Variants in MYO6 observed in about 807,000 individuals in gnomAD.
MYO6 encodes the protein myosin VI, also known as unconventional myosin-VI.
MYO6 carries 74 observed loss-of-function variants against 178.7 expected under a neutral mutation model. The ratio of observed to expected loss-of-function variants is 0.41; its 90% CI spans 0.34 to 0.50. The LOEUF (loss-of-function observed/expected upper bound fraction) is 0.50. Among genes scored for constraint, MYO6 ranks in the 20% least tolerant of loss-of-function variants. The pLI is 0.09. For missense variants in MYO6, 1,330 were observed against 1,547.4 expected, an observed-to-expected ratio of 0.86 and a Z score of 2.36; for synonymous variants, 477 against 504.6, an observed-to-expected ratio of 0.95 and a Z score of 0.73.
At chr6:75,862,924 T>A (rs1776324338) in intron 16 of MYO6, among the ~76,000 whole-genome samples, 1 of 152,170 alleles carries the variant, frequency 6.6e-6, no homozygotes, top group South Asian at 2.1e-4. Flanking sequence ...ACTTTTTCTC[T>A]GATGAAAAGT....
rs561244918 is a variant in MYO6 at position 75,839,676 on chromosome 6, G to GT, written c.554-908dup. Among the ~76,000 whole-genome samples the GT allele has an allele frequency of 2.5e-3, 377 of 152,208 alleles. 1 individual carries two copies. Among genetic ancestry groups the GT allele is most frequent in the Middle Eastern group, 0.014 (4 of 294 alleles). ...TAACTCTTATCCAGTCATGATATGT[G>GT]TATAGGTGATTATAAAATAACAGTG... On this transcript the variant is annotated intron_variant, in intron 7 of 34. Coordinates refer to ENST00000369977, the MANE Select transcript of MYO6 (RefSeq NM_004999.4).
chr6:75,764,990 C>A (rs1333672931), intron 1 of MYO6, among the ~76,000 whole-genome samples: 1 of 150,160 alleles, frequency 6.7e-6, no homozygotes, highest in Non-Finnish European at 1.5e-5. Context: ...CAGAGCTAGA[C>A]TCCGTCTCAA....
intron 2 of MYO6, among the ~76,000 whole-genome samples, chr6:75,819,247 A>T (rs1196476734): frequency 6.6e-6 from 1 of 152,232 alleles, no homozygotes; most frequent in Non-Finnish European, 1.5e-5. Flanking sequence ...TTGAGGATTA[A>T]CAAGTTCTCA....
chr6:75,771,004 T>G (rs1156970884), intron 1 of MYO6, among the ~76,000 whole-genome samples: 1 of 146,112 alleles, frequency 6.8e-6, no homozygotes, highest in Non-Finnish European at 1.5e-5. Context: ...TTTTTTTTCT[T>G]TTTTTTTTTT....
chr6:75,761,626 C>T (rs573799581), intron 1 of MYO6, among the ~76,000 whole-genome samples: 1 of 150,990 alleles, frequency 6.6e-6, no homozygotes, highest in Non-Finnish European at 1.5e-5. Flanking sequence ...CACACACACA[C>T]AGACACATTT....
At chr6:75,873,731 G>A (rs1777339288) in intron 20 of MYO6, among the ~76,000 whole-genome samples, 1 of 152,164 alleles carries the variant, frequency 6.6e-6, no homozygotes. Flanking sequence ...TCCAGCAGTA[G>A]TTCATTTCTC....
intron 1 of MYO6, among the ~76,000 whole-genome samples, chr6:75,808,179 G>A (rs721264): frequency 0.3 from 45,939 of 152,126 alleles, 10,560 homozygotes; most frequent in African/African-American, 0.63. Context: ...TCAGGCTGCC[G>A]TAATAAAATA....
At chr6:75,804,084 A>G (rs991545114) in intron 1 of MYO6, among the ~76,000 whole-genome samples, 30 of 152,216 alleles carry the variant, frequency 2.0e-4, no homozygotes, top group African/African-American at 7.2e-4. Flanking sequence ...GGTGGAGACA[A>G]GGTCCCACTA....
intron 25 of MYO6, among the ~76,000 whole-genome samples, chr6:75,887,749 G>A (rs1208976441): frequency 7.3e-5 from 11 of 151,694 alleles, no homozygotes; most frequent in African/African-American, 2.4e-4. Flanking sequence ...CGAGGCAGGC[G>A]GATCACAAGG....
chr6:75,843,028 G>A (rs1420859205), intron 9 of MYO6, among the ~76,000 whole-genome samples: 1 of 152,120 alleles, frequency 6.6e-6, no homozygotes, highest in East Asian at 1.9e-4. Context: ...GGGGAACAGC[G>A]TTGCATACAT....
At chr6:75,826,982 C>T (rs1272404058) in intron 3 of MYO6, among the ~76,000 whole-genome samples, 1 of 151,926 alleles carries the variant, frequency 6.6e-6, no homozygotes, top group African/African-American at 2.4e-5. Context: ...GATGGATGGG[C>T]AGTCTGTGGA....
chr6:75,831,945 C>T (rs758359929), intron 5 of MYO6, among the ~76,000 whole-genome samples: 5 of 151,476 alleles, frequency 3.3e-5, no homozygotes, highest in South Asian at 2.1e-4. Context: ...GGGATGTGTG[C>T]GCTCTTGTAT....
intron 1 of MYO6, among the ~76,000 whole-genome samples, chr6:75,814,814 G>T (rs1771050407): frequency 6.6e-6 from 1 of 150,998 alleles, no homozygotes; most frequent in African/African-American, 2.4e-5. Flanking sequence ...AGCCATGATT[G>T]CATCACTGTG....
At chr6:75,761,215 A>G (rs571223158) in intron 1 of MYO6, among the ~76,000 whole-genome samples, 2 of 152,264 alleles carry the variant, frequency 1.3e-5, no homozygotes, top group Admixed American at 6.5e-5. Flanking sequence ...CACTGAGATG[A>G]TGGAGAAAAC....
intron 1 of MYO6, among the ~76,000 whole-genome samples, chr6:75,797,373 G>A (rs576138347): frequency 1.4e-3 from 217 of 152,302 alleles, no homozygotes; most frequent in South Asian, 6.0e-3. Context: ...GATTACAGGC[G>A]TGAGCCACTG....
At chr6:75,771,563 A>G (rs1765898956) in intron 1 of MYO6, among the ~76,000 whole-genome samples, 1 of 152,190 alleles carries the variant, frequency 6.6e-6, no homozygotes, top group Admixed American at 6.5e-5. Flanking sequence ...ATCCTAAACA[A>G]TTAAGAATCC....
chr6:75,872,308 A>G (rs957829606), intron 19 of MYO6, among the ~76,000 whole-genome samples: 11 of 152,176 alleles, frequency 7.2e-5, no homozygotes, highest in Admixed American at 5.9e-4. Flanking sequence ...TATTCTTTCT[A>G]CCTCATTCAG....
intron 1 of MYO6, among the ~76,000 whole-genome samples, chr6:75,754,979 C>T (rs567866918): frequency 1.3e-5 from 2 of 152,282 alleles, no homozygotes; most frequent in African/African-American, 4.8e-5. Flanking sequence ...CCGGTAATCC[C>T]AGCACTTTGG....
chr6:75,767,615 G>T (rs1022463013), intron 1 of MYO6, among the ~76,000 whole-genome samples: 1 of 150,300 alleles, frequency 6.7e-6, no homozygotes, highest in African/African-American at 2.5e-5. Flanking sequence ...TGTCTTCCGG[G>T]CTTAAGCGAT....
Sources: gnomAD v4.1 joint callset for allele counts (sites outside exome capture counted in the v4.1 genomes callset) on GRCh38, gnomAD v4.1.1 for gene constraint, MANE v1.5 for transcripts, NCBI Gene and HGNC (gene_info 2026-07-23, HGNC 2026-07-21) for gene names.